The following DNAJB1 variants were observed in gnomAD, a reference collection of about 807,000 sequenced individuals.
DNAJB1 encodes dnaJ homolog subfamily B member 1.
A neutral mutation model predicts 24.0 loss-of-function variants in DNAJB1; 14 were observed. The observed-to-expected ratio is 0.58, with a 90% CI of 0.39 to 0.91. The LOEUF (loss-of-function observed/expected upper bound fraction) is 0.91. Among genes scored for constraint, DNAJB1 ranks in the 40% least tolerant of loss-of-function variants. DNAJB1 has a pLI of 0.00. For missense variants in DNAJB1, 517 were observed against 458.1 expected (o/e 1.13, Z -1.17); for synonymous variants, 262 against 174.4 (o/e 1.50, Z -3.96).
rs1342974456 is a variant in DNAJB1 at position 14,549,999 on chromosome 19, T to TG, written c.-214+208dup. Among the ~76,000 whole-genome samples the TG allele has an allele frequency of 4.0e-5, 6 of 151,792 alleles. No individual in the cohort carries two copies. The East Asian group carries it at 1.2e-3, about 29-fold the overall frequency. On this transcript the variant is annotated intron_variant, in intron 1 of 3. Transcript: ENST00000676982. ...CCTGCCCCCTTCAACTGCCACTCCC[T>TG]GTCCCCTTTCCTTTCTTTCTTCTTT...
chr19:14,533,849 A>G (rs545223382), upstream of DNAJB1: 5 of 152,338 alleles, frequency 3.3e-5, no homozygotes, highest in South Asian at 6.2e-4. Flanking sequence ...GGTCAGAGCT[A>G]GGTCGGTAAG....
intron 1 of DNAJB1, among the ~76,000 whole-genome samples, chr19:14,549,745 C>A (rs537944278): frequency 1.3e-5 from 2 of 151,948 alleles, no homozygotes; most frequent in Non-Finnish European, 2.9e-5. Flanking sequence ...GAGTTTGAGA[C>A]GAGCCTGACC....
rs1374468882 is a variant in DNAJB1, at chr19:14,516,799, T to C, written c.459A>G (p.Gln153=). The change falls in exon 2 of 3, where the codon CAA becomes CAG. Residue 153 remains glutamine (Q), a synonymous_variant. Transcript: ENST00000254322. ...GATCTTGCTTCTTTCGGGCGGGCTC[T>C]TGGGCAGAGCGGGAGCGGCCAAAGT... ...NVNFGRSRSA[Q]EPARKKQDPP... 3 of 1,613,822 alleles carry C rather than the reference T, an allele frequency of 1.9e-6. No individual in the cohort carries two copies. Among genetic ancestry groups the C allele is most frequent in the Non-Finnish European group, 2.5e-6 (3 of 1,180,014 alleles).
At chr19:14,518,551 G>T (rs571902240), upstream of DNAJB1, 4 of 388,886 alleles carry the variant, frequency 1.0e-5, no homozygotes, top group Admixed American at 4.7e-5. Flanking sequence ...GCGGGGCCTC[G>T]CCGTCAACGG....
chr19:14,533,391 G>T (rs1192773949), upstream of DNAJB1, among the ~76,000 whole-genome samples: 1 of 152,024 alleles, frequency 6.6e-6, no homozygotes, highest in East Asian at 1.9e-4. Context: ...CTGCACTCCA[G>T]CCTGGGTGAC....
chr19:14,543,516 G>A (rs1379973846), intron 1 of DNAJB1, among the ~76,000 whole-genome samples: 11 of 128,240 alleles, frequency 8.6e-5, no homozygotes, highest in Non-Finnish European at 1.4e-4. Context: ...TAGGCTCACT[G>A]CAAGCTCCGT....
intron 1 of DNAJB1, among the ~76,000 whole-genome samples, chr19:14,557,008 C>G (rs1024030505): frequency 6.6e-6 from 1 of 152,124 alleles, no homozygotes; most frequent in Admixed American, 6.6e-5. Context: ...TGGATGGGCC[C>G]CTTCAAGAGC....
At chr19:14,537,725 A>G (rs556251467) in intron 1 of DNAJB1, among the ~76,000 whole-genome samples, 1 of 150,710 alleles carries the variant, frequency 6.6e-6, no homozygotes, top group South Asian at 2.1e-4. Flanking sequence ...TACGGTGAAT[A>G]TAGTGCTTAA....
At chr19:14,530,074 T>A (rs1236121680), upstream of DNAJB1, 1 of 383,790 alleles carries the variant, frequency 2.6e-6, no homozygotes, top group Non-Finnish European at 4.9e-6. Flanking sequence ...CTTGCACAAA[T>A]CTTGCGCCAC....
upstream of DNAJB1, among the ~76,000 whole-genome samples, chr19:14,519,239 C>T (rs762612580): frequency 1.2e-4 from 18 of 152,210 alleles, no homozygotes; most frequent in Middle Eastern, 3.4e-3. Flanking sequence ...GTTGGTGGCA[C>T]GAACCTGTAA....
At chr19:14,517,931 A>G (rs2072302954) in intron 1 of DNAJB1, 1 of 472,860 alleles carries the variant, frequency 2.1e-6, no homozygotes. Context: ...ACATGCTAGA[A>G]GCTTCTGGCC....
intron 2 of DNAJB1, among the ~76,000 whole-genome samples, chr19:14,525,283 CT>C (rs1368433369): frequency 6.6e-6 from 1 of 151,974 alleles, no homozygotes; most frequent in African/African-American, 2.4e-5. Context: ...CCTGGCTCCT[CT>C]CAATTTCATC....
At chr19:14,544,084 C>T (rs917323832) in intron 1 of DNAJB1, among the ~76,000 whole-genome samples, 20 of 152,068 alleles carry the variant, frequency 1.3e-4, no homozygotes, top group Non-Finnish European at 2.6e-4. Flanking sequence ...GGGGGATCCA[C>T]AGAGGACAGA....
upstream of DNAJB1, among the ~76,000 whole-genome samples, chr19:14,521,262 C>T (rs957973736): frequency 6.6e-6 from 1 of 151,874 alleles, no homozygotes; most frequent in African/African-American, 2.4e-5. Context: ...AGTTCGAGAC[C>T]AGTCTGGCCA....
Position 14,516,016 on chromosome 19 carries a change from A to G in DNAJB1, c.947T>C (p.Ile316Thr), listed in dbSNP as rs2072251689. ...KTPEKRGDLI[I>T]EFEVIFPERI... ...TTCGGGGAAGATCACTTCAAACTCA[A>G]TAATGAGGTCCCCACGTTTCTCGGG... Residue 316 changes from isoleucine to threonine, a missense_variant, in exon 3 of 3, where the codon ATT becomes ACT. Ile to Thr is a moderately conservative substitution (Grantham distance 89). Transcript: ENST00000254322. 1 of 1,612,058 alleles carries G rather than the reference A, an allele frequency of 6.2e-7. No homozygotes were observed. The highest frequency in any genetic ancestry group is 8.5e-7 in the Non-Finnish European group (1 of 1,179,416).
intron 1 of DNAJB1, among the ~76,000 whole-genome samples, chr19:14,556,292 C>T (rs1039212920): frequency 5.3e-5 from 8 of 152,074 alleles, no homozygotes; most frequent in East Asian, 1.9e-4. Flanking sequence ...TTTGTTCACA[C>T]GCCACTTTCT....
At chr19:14,547,963 CTTTTTT>C (rs1043298294) in intron 1 of DNAJB1, among the ~76,000 whole-genome samples, 1 of 125,680 alleles carries the variant, frequency 8.0e-6, no homozygotes, top group South Asian at 2.6e-4. Flanking sequence ...ATGGGCATTT[CTTTTTT>C]TTTTTTTTTT....
intron 1 of DNAJB1, among the ~76,000 whole-genome samples, chr19:14,556,179 C>G (rs2073714585): frequency 1.3e-5 from 2 of 152,214 alleles, no homozygotes; most frequent in African/African-American, 4.8e-5. Flanking sequence ...CCACACAGGA[C>G]TCCTTCCTGC....
At chr19:14,529,486 C>A, upstream of DNAJB1, 1 of 695,710 alleles carries the variant, frequency 1.4e-6, no homozygotes, top group Non-Finnish European at 2.6e-6. Flanking sequence ...TAGTCCTAGT[C>A]TTGGTTCGGA....
Sources: gnomAD v4.1 joint callset for allele counts (sites outside exome capture counted in the v4.1 genomes callset) on GRCh38, gnomAD v4.1.1 for gene constraint, MANE v1.5 for transcripts, NCBI Gene and HGNC (gene_info 2026-07-23, HGNC 2026-07-21) for gene names.